The following PLOD1 variants were observed in gnomAD, a reference collection of about 807,000 sequenced individuals.
PLOD1 encodes the protein procollagen-lysine,2-oxoglutarate 5-dioxygenase 1, also known as lysine hydroxylase.
Under a neutral mutation model 94.7 loss-of-function variants are expected in PLOD1, and 70 were observed. That is an observed-to-expected ratio of 0.74 (90% CI 0.61 to 0.90). The LOEUF (loss-of-function observed/expected upper bound fraction) is 0.90. Ranked by LOEUF, PLOD1 falls within the 40% of genes least tolerant of loss-of-function variation. PLOD1 has a pLI of 0.00. For missense variants in PLOD1, 905 were observed against 972.7 expected (o/e 0.93, Z 0.93); for synonymous variants, 417 against 400.2 (o/e 1.04, Z -0.50).
chr1:11,973,905 G>C (rs79044763), intron 18 of PLOD1, among the ~76,000 whole-genome samples: 1 of 152,170 alleles, frequency 6.6e-6, no homozygotes, highest in Non-Finnish European at 1.5e-5. Context: ...AGTACCTGGA[G>C]ACATAATTGG....
chr1:11,960,543 T>G (rs2100754026), intron 9 of PLOD1, 103 bp from the exon 10 acceptor site: 1 of 866,946 alleles, frequency 1.2e-6, no homozygotes, highest in Non-Finnish European at 1.9e-6. Context: ...GTGCCAGAGA[T>G]GAAGGGGCAC....
In PLOD1 at chr1:11,967,049, G is replaced by A. The variant is rs1402924769; in HGVS notation, c.1713G>A (p.Glu571=). The A allele has an allele frequency of 1.2e-6, 2 of 1,613,998 alleles. No homozygotes were observed. The highest frequency in any genetic ancestry group is 2.7e-5 in the African/African-American group (2 of 75,046). Residue 571 remains glutamate, a synonymous_variant, in exon 16 of 19, where the codon GAG becomes GAA. Transcript: ENST00000196061. ...FTEVACDELV[E]EMEHFGQWSL... ...AGGTGGCCTGTGATGAGCTGGTGGA[G>A]GAGATGGAGCACTTTGGCCAGTGGT...
rs1411944871 is a variant in PLOD1 at position 11,958,648 on chromosome 1, G to C, written c.975+1G>C. On this transcript the variant is annotated splice_donor_variant, in intron 9 of 18. Coordinates refer to ENST00000196061, the MANE Select transcript of PLOD1 (RefSeq NM_000302.4). LOFTEE classifies it high-confidence loss of function. This position sits in a 1 kb window ranked among gnomAD's most constrained non-coding sequence, Gnocchi z 4.3. Reference sequence around the variant, plus strand: ...CATGCGACTTTTCATCCACAACCACGTGAGTAACAGGCGCTCTGTGGGGTC... The same window carrying C: ...CATGCGACTTTTCATCCACAACCACCTGAGTAACAGGCGCTCTGTGGGGTC... 6.2e-7 allele frequency: 1 copy of C among 1,614,038 alleles called. No individual in the cohort carries two copies. Among genetic ancestry groups the C allele is most frequent in the Admixed American group, 1.7e-5 (1 of 60,000 alleles).
intron 1 of PLOD1, among the ~76,000 whole-genome samples, chr1:11,939,219 G>C (rs1203495558): frequency 1.3e-5 from 2 of 152,092 alleles, no homozygotes; most frequent in Admixed American, 6.6e-5. Context: ...GATGGTGTGG[G>C]GGTGGGGCCG....
intron 1 of PLOD1, chr1:11,944,654 C>A (rs745434130): frequency 7.4e-7 from 1 of 1,356,346 alleles, no homozygotes; most frequent in Admixed American, 1.9e-5. Flanking sequence ...TTCTGGATCC[C>A]AGGTTCAGGT....
At position 11,956,930 on chromosome 1, in the gene PLOD1, C is replaced by T. The variant is rs1645742133; in HGVS notation, c.657C>T (p.Leu219=). Residue 219 remains leucine, a synonymous_variant, in exon 7 of 19, where the codon CTC becomes CTT. Coordinates refer to ENST00000196061, the MANE Select transcript of PLOD1 (RefSeq NM_000302.4). ...NLDGALDEVV[L]KFEMGHVRAR... The stretch of plus-strand genomic sequence containing the variant: ...TCTGACCCCCAGATGAGGTCGTGCT[C>T]AAGTTTGAAATGGGCCATGTGAGAG... The T allele has an allele frequency of 6.2e-7, 1 of 1,613,076 alleles. No individual in the cohort carries two copies. Among genetic ancestry groups the T allele is most frequent in the Admixed American group, 1.7e-5 (1 of 59,974 alleles).
In PLOD1 at chr1:11,957,926, A is replaced by C. The variant is rs760869815; in HGVS notation, c.826A>C (p.Ser276Arg). ...CACCGTGTGTGACGAAGGCTTGCGC[A>C]GCCTCAAGGGCATTGGGGTGAGGCT... ...GCTVCDEGLR[S>R]LKGIGDEALP... The change falls in exon 8 of 19, where the codon AGC (serine) becomes CGC (arginine). Residue 276 changes from serine (S) to arginine (R), a missense_variant. Transcript: ENST00000196061. This position sits in a 1 kb window ranked among gnomAD's most constrained non-coding sequence, Gnocchi z 4.1. 6.2e-7 allele frequency: 1 copy of C among 1,613,044 alleles called. No homozygotes were observed. Among genetic ancestry groups the C allele is most frequent in the Non-Finnish European group, 8.5e-7 (1 of 1,179,020 alleles).
chr1:11,965,478 A>G lies in PLOD1; in HGVS notation c.1471-2A>G, dbSNP rs1401035675. 1.9e-6 allele frequency: 3 copies of G among 1,595,750 alleles called. No homozygotes were observed. Among genetic ancestry groups the G allele is most frequent in the East Asian group, 2.2e-5 (1 of 44,782 alleles). Reference sequence around the variant, plus strand: ...CTCTTCCACCGGGCCTGTCCTCCCCAGGATGTGTTCATGTTCCTGACCAAC... The same window carrying G: ...CTCTTCCACCGGGCCTGTCCTCCCCGGGATGTGTTCATGTTCCTGACCAAC... On this transcript the variant is annotated splice_acceptor_variant, in intron 13 of 18. Coordinates refer to ENST00000196061, the MANE Select transcript of PLOD1 (RefSeq NM_000302.4). LOFTEE classifies it high-confidence loss of function.
intron 1 of PLOD1, among the ~76,000 whole-genome samples, chr1:11,938,432 G>A (rs1325921740): frequency 3.3e-5 from 5 of 152,138 alleles, no homozygotes; most frequent in African/African-American, 1.2e-4. Context: ...GCTGTTGCCT[G>A]GAAATGCTGC....
rs1645840417 is a variant in PLOD1 at position 11,968,801 on chromosome 1, C to T, written c.1755+1710C>T. Among the ~76,000 whole-genome samples the T allele has an allele frequency of 2.7e-5, 4 of 150,894 alleles. No homozygotes were observed. The South Asian group carries it at 8.4e-4, about 32-fold the overall frequency. ...AAAGTGGTGGGATTACAGGCATGAG[C>T]CACCGCACCGGGCACCCCACCTCTC... On this transcript the variant is annotated intron_variant, in intron 16 of 18. Coordinates refer to ENST00000196061, the MANE Select transcript of PLOD1 (RefSeq NM_000302.4).
In PLOD1 at chr1:11,944,420, C is replaced by T. The variant is rs1050714225; in HGVS notation, c.77-3556C>T. On this transcript the variant is annotated intron_variant, in intron 1 of 18. Coordinates refer to ENST00000196061, the MANE Select transcript of PLOD1 (RefSeq NM_000302.4). ...AAGAATCCTGAATTGCGCATGCACG[C>T]GTACACACACACACACACACACACA... is the stretch of plus-strand genomic sequence containing the variant. 7 of 652,086 alleles carry T rather than the reference C, an allele frequency of 1.1e-5. No individual in the cohort carries two copies. In the African/African-American group the frequency reaches 1.2e-4, roughly 11 times the overall value. The allele number at this position is 652,086 out of a possible 1,614,324, so 40.4% of individuals were successfully genotyped here.
chr1:11,941,982 G>A (rs1444815719), intron 1 of PLOD1, among the ~76,000 whole-genome samples: 2 of 139,398 alleles, frequency 1.4e-5, no homozygotes, highest in Admixed American at 1.4e-4. Context: ...CACTGTGCCC[G>A]GCCTTTTTTT....
chr1:11,959,584 A>G (rs1361457861), intron 9 of PLOD1, among the ~76,000 whole-genome samples: 1 of 149,580 alleles, frequency 6.7e-6, no homozygotes, highest in African/African-American at 2.5e-5. Flanking sequence ...CTGAGACTAC[A>G]GGCATGCGCC....
chr1:11,965,499 C>G lies in PLOD1; in HGVS notation c.1490C>G (p.Thr497Ser). The change falls in exon 14 of 19, where the codon ACC (threonine) becomes AGC (serine). Residue 497 changes from threonine to serine, a missense_variant. By Grantham distance (58) the Thr-to-Ser change is moderately conservative (BLOSUM62 1). Transcript: ENST00000196061. Reference sequence around the variant, plus strand: ...CCCCAGGATGTGTTCATGTTCCTGACCAACCGGCACACCCTTGGCCATCTG... The same window carrying G: ...CCCCAGGATGTGTTCATGTTCCTGAGCAACCGGCACACCCTTGGCCATCTG... ...IRQQDVFMFL[T>S]NRHTLGHLLS... The G allele has an allele frequency of 6.2e-7, 1 of 1,612,898 alleles. No homozygotes were observed. Among genetic ancestry groups the G allele is most frequent in the Non-Finnish European group, 8.5e-7 (1 of 1,179,216 alleles).
At chr1:11,939,616 C>T (rs893311761) in intron 1 of PLOD1, among the ~76,000 whole-genome samples, 7 of 152,056 alleles carry the variant, frequency 4.6e-5, no homozygotes, top group Admixed American at 2.0e-4. Flanking sequence ...CATTCTTTTT[C>T]TTTTTCTTTT....
chr1:11,953,001 C>T (rs981453004), intron 5 of PLOD1, among the ~76,000 whole-genome samples: 5 of 152,118 alleles, frequency 3.3e-5, no homozygotes, highest in Admixed American at 2.0e-4. Context: ...TCTGTGTCCT[C>T]AGATGGTGGA....
chr1:11,966,187 C>T (rs1412528072), intron 14 of PLOD1, 64 bp from the exon 15 acceptor site: 6 of 1,235,800 alleles, frequency 4.9e-6, no homozygotes, highest in East Asian at 2.4e-5. Flanking sequence ...GAGGGGTCTG[C>T]TCTGAGCATC....
chr1:11,952,001 C>A (rs1342962980), intron 4 of PLOD1, among the ~76,000 whole-genome samples: 2 of 152,252 alleles, frequency 1.3e-5, no homozygotes, highest in African/African-American at 4.8e-5. Context: ...AATCCACAGG[C>A]CTCTTTTCAA....
Position 11,974,970 on chromosome 1 carries a change from C to T in PLOD1, c.*162C>T, listed in dbSNP as rs1190798505. On this transcript the variant is annotated 3_prime_UTR_variant, in exon 19 of 19. Transcript: ENST00000196061. ...TCAAAGAGATTCAAAGAGATTCCTG[C>T]AGGCCAGAGGCGGAACACACCTTTA... The T allele has an allele frequency of 1.3e-5, 10 of 766,290 alleles. No homozygotes were observed. The highest frequency in any genetic ancestry group is 2.3e-5 in the Non-Finnish European group (10 of 429,094). The allele number at this position is 766,290 out of a possible 1,614,324, so 47.5% of individuals were successfully genotyped here. A position where few individuals can be genotyped will look rare whatever the true frequency, so the allele number is the denominator to read the frequency against.
Sources: gnomAD v4.1 joint callset for allele counts (sites outside exome capture counted in the v4.1 genomes callset) on GRCh38, gnomAD v4.1.1 for gene constraint, Gnocchi (gnomAD v3.1) non-coding constraint, MANE v1.5 for transcripts, NCBI Gene and HGNC (gene_info 2026-07-23, HGNC 2026-07-21) for gene names.